DCC: variants seen among roughly 807,000 people sequenced by gnomAD.
DCC encodes the protein netrin receptor DCC.
Under a neutral mutation model 172.5 loss-of-function variants are expected in DCC, and 58 were observed. The observed-to-expected ratio is 0.34, with a 90% CI of 0.27 to 0.42. DCC has a LOEUF of 0.42. Ranked by LOEUF, DCC falls within the 10% of genes least tolerant of loss-of-function variation. The pLI is 1.00. For synonymous variants in DCC, 709 were observed against 644.5 expected, an observed-to-expected ratio of 1.10 and a Z score of -1.52; for missense variants, 1,740 against 1,791.0, an observed-to-expected ratio of 0.97 and a Z score of 0.51.
intron 2 of DCC, among the ~76,000 whole-genome samples, chr18:52,769,625 ATTG>A (rs530863715): frequency 6.6e-6 from 1 of 152,236 alleles, no homozygotes; most frequent in South Asian, 2.1e-4. Context: ...GCCTTTACAT[ATTG>A]TTGTATCTCA....
At position 53,526,633 on chromosome 18, in the gene DCC, G is replaced by T. The variant is rs1443299538; in HGVS notation, c.4128G>T (p.Lys1376Asn). The T allele has an allele frequency of 6.2e-7, 1 of 1,613,294 alleles. No individual in the cohort carries two copies. The highest frequency in any genetic ancestry group is 2.2e-5 in the East Asian group (1 of 44,860). The change falls in exon 28 of 29, where the codon AAG (lysine) becomes AAT (asparagine). Residue 1376 changes from lysine to asparagine, a missense_variant. Physicochemically the swap from Lys to Asn is moderately conservative, Grantham distance 94. Coordinates refer to ENST00000442544, the MANE Select transcript of DCC (RefSeq NM_005215.4). ...LLSQPGPTLPKTHVKTASLGL... is the reference protein window; with the variant it reads ...LLSQPGPTLPNTHVKTASLGL... ...CTATTTCAGGGCCCACTCTTCCTAA[G>T]ACCCATGTGAAAACAGCCTCCCTTG...
At chr18:53,462,991 C>T (rs911246098) in intron 24 of DCC, among the ~76,000 whole-genome samples, 1 of 152,256 alleles carries the variant, frequency 6.6e-6, no homozygotes, top group Admixed American at 6.5e-5. Flanking sequence ...TAGATAGACT[C>T]GGGGTAGAAC....
At chr18:52,460,726 G>A (rs1157350879) in intron 1 of DCC, among the ~76,000 whole-genome samples, 1 of 152,068 alleles carries the variant, frequency 6.6e-6, no homozygotes. Context: ...CAACAAAATG[G>A]TGTTTGTGTA....
At chr18:52,695,803 AT>A (rs2036002792) in intron 1 of DCC, among the ~76,000 whole-genome samples, 1 of 152,148 alleles carries the variant, frequency 6.6e-6, no homozygotes, top group Non-Finnish European at 1.5e-5. Context: ...TGTAAACTAT[AT>A]TTTCAATTAT....
At chr18:52,986,805 A>C (rs1430839051) in intron 5 of DCC, among the ~76,000 whole-genome samples, 1 of 150,088 alleles carries the variant, frequency 6.7e-6, no homozygotes, top group Non-Finnish European at 1.5e-5. Context: ...ACACACGTGT[A>C]GTATATATAT....
At chr18:53,466,796 G>A (rs1441704297) in intron 24 of DCC, among the ~76,000 whole-genome samples, 1 of 152,164 alleles carries the variant, frequency 6.6e-6, no homozygotes, top group African/African-American at 2.4e-5. Context: ...AAAGTGCTGG[G>A]ATTACAGGCG....
intron 1 of DCC, among the ~76,000 whole-genome samples, chr18:52,570,151 A>G (rs2033259603): frequency 6.6e-6 from 1 of 152,198 alleles, no homozygotes; most frequent in South Asian, 2.1e-4. Context: ...TTCAAACTGC[A>G]AGCTGCCTAG....
chr18:53,137,482 T>C (rs750052625), intron 7 of DCC, among the ~76,000 whole-genome samples: 2 of 152,236 alleles, frequency 1.3e-5, no homozygotes, highest in African/African-American at 4.8e-5. Flanking sequence ...GAAGCTCTTC[T>C]TTCAGTCTGC....
chr18:52,662,248 A>G (rs902071962), intron 1 of DCC, among the ~76,000 whole-genome samples: 4 of 152,190 alleles, frequency 2.6e-5, no homozygotes, highest in African/African-American at 9.7e-5. Context: ...TGGTCTGTGA[A>G]CAGGACTTTG....
intron 5 of DCC, among the ~76,000 whole-genome samples, chr18:53,062,159 G>A (rs899357927): frequency 6.6e-6 from 1 of 152,036 alleles, no homozygotes; most frequent in South Asian, 2.1e-4. Context: ...TAAAGAAAGA[G>A]AGAGATCATT....
chr18:52,616,419 T>C (rs1258992449), intron 1 of DCC, among the ~76,000 whole-genome samples: 2 of 152,190 alleles, frequency 1.3e-5, no homozygotes, highest in Admixed American at 6.5e-5. Context: ...AATTCATCTA[T>C]GCCAGAGATG....
intron 1 of DCC, among the ~76,000 whole-genome samples, chr18:52,692,796 T>C (rs2035948834): frequency 6.6e-6 from 1 of 152,176 alleles, no homozygotes; most frequent in Non-Finnish European, 1.5e-5. Context: ...AGGGTACCTA[T>C]AGTTATACCA....
At chr18:52,902,422 G>A (rs1029102436) in intron 2 of DCC, among the ~76,000 whole-genome samples, 4 of 152,166 alleles carry the variant, frequency 2.6e-5, no homozygotes, top group African/African-American at 9.7e-5. Flanking sequence ...GTGGCCTAAT[G>A]AGTCTGAACC....
At chr18:52,644,692 C>G (rs1019413815) in intron 1 of DCC, among the ~76,000 whole-genome samples, 1 of 151,090 alleles carries the variant, frequency 6.6e-6, no homozygotes, top group African/African-American at 2.4e-5. Context: ...GAGTTTGAGG[C>G]TGCAGTGAGC....
At chr18:52,915,061 A>T (rs990364373) in intron 3 of DCC, among the ~76,000 whole-genome samples, 7 of 152,306 alleles carry the variant, frequency 4.6e-5, no homozygotes, top group Middle Eastern at 3.4e-3. Context: ...ATTTTGAGGA[A>T]GACAGTTATT....
At chr18:53,422,686 G>A (rs1452408335) in intron 21 of DCC, among the ~76,000 whole-genome samples, 3 of 152,146 alleles carry the variant, frequency 2.0e-5, no homozygotes, top group Non-Finnish European at 4.4e-5. Flanking sequence ...CAGGGAAATA[G>A]GGTTTTTGAG....
chr18:53,276,719 A>T (rs2056810224), intron 12 of DCC, among the ~76,000 whole-genome samples: 3 of 152,204 alleles, frequency 2.0e-5, no homozygotes, highest in South Asian at 4.1e-4. Context: ...TTGAGTAGAA[A>T]GGAGCTTGGG....
At chr18:53,332,045 G>A (rs1052783171) in intron 14 of DCC, among the ~76,000 whole-genome samples, 6 of 152,144 alleles carry the variant, frequency 3.9e-5, no homozygotes, top group East Asian at 1.9e-4. Context: ...AGGAGTAAGC[G>A]TGTTGATATT....
At chr18:53,147,256 T>C (rs2043929566) in intron 7 of DCC, among the ~76,000 whole-genome samples, 1 of 152,274 alleles carries the variant, frequency 6.6e-6, no homozygotes, top group Non-Finnish European at 1.5e-5. Context: ...TGCAAGTACA[T>C]GCTCACCGTC....
Sources: allele counts gnomAD v4.1 joint callset (sites outside exome capture counted in the v4.1 genomes callset), GRCh38; gene constraint gnomAD v4.1.1; transcripts MANE v1.5; gene names NCBI Gene and HGNC (gene_info 2026-07-23, HGNC 2026-07-21).